Variants in CPE observed in about 807,000 individuals in gnomAD.
The protein encoded by CPE is carbocypeptidase E.
Under a neutral mutation model 53.5 loss-of-function variants are expected in CPE, and 17 were observed. That is an observed-to-expected ratio of 0.32 (90% CI 0.22 to 0.48). The LOEUF is 0.48. Among genes scored for constraint, CPE ranks in the 20% least tolerant of loss-of-function variants. The probability of loss-of-function intolerance (pLI) is 0.99; values close to 1 mark genes in which losing one functional copy is unlikely to be tolerated. For missense variants in CPE, 524 were observed against 614.7 expected (o/e 0.85, Z 1.56); for synonymous variants, 226 against 228.8 (o/e 0.99, Z 0.11).
At chr4:165,390,463 C>T (rs1057129212) in intron 1 of CPE, among the ~76,000 whole-genome samples, 1 of 152,172 alleles carries the variant, frequency 6.6e-6, no homozygotes, top group African/African-American at 2.4e-5. Context: ...GTATGAGCTG[C>T]AGAAAACTTT....
chr4:165,406,880 G>C (rs924590780), intron 1 of CPE, among the ~76,000 whole-genome samples: 2 of 152,136 alleles, frequency 1.3e-5, no homozygotes, highest in Admixed American at 1.3e-4. Flanking sequence ...GGTCTTTTGT[G>C]GCCGACTCCT....
At chr4:165,408,774 G>A (rs1276573083) in intron 1 of CPE, among the ~76,000 whole-genome samples, 1 of 152,208 alleles carries the variant, frequency 6.6e-6, no homozygotes, top group Non-Finnish European at 1.5e-5. Flanking sequence ...CACTTTGAGA[G>A]CCATTGTAAT....
At chr4:165,491,591 G>T (rs1732606468) in intron 6 of CPE, among the ~76,000 whole-genome samples, 1 of 152,110 alleles carries the variant, frequency 6.6e-6, no homozygotes, top group African/African-American at 2.4e-5. Context: ...ATGGAGAAAA[G>T]TTAGAATTGA....
intron 1 of CPE, among the ~76,000 whole-genome samples, chr4:165,451,032 T>G (rs1481461145): frequency 6.6e-6 from 1 of 152,218 alleles, no homozygotes; most frequent in Admixed American, 6.5e-5. Flanking sequence ...CATGGTCCAC[T>G]GACAAGCCGC....
At chr4:165,441,398 C>T (rs1184738869) in intron 1 of CPE, among the ~76,000 whole-genome samples, 1 of 152,130 alleles carries the variant, frequency 6.6e-6, no homozygotes, top group Non-Finnish European at 1.5e-5. Context: ...CCAGTGACTC[C>T]ATTTGCTACA....
intron 7 of CPE, among the ~76,000 whole-genome samples, chr4:165,494,788 G>C (rs1026691200): frequency 2.6e-5 from 4 of 152,214 alleles, no homozygotes; most frequent in African/African-American, 9.6e-5. Context: ...ACGGTGATGG[G>C]GGCTTAATTT....
intron 6 of CPE, among the ~76,000 whole-genome samples, chr4:165,492,251 A>G (rs1732620050): frequency 6.6e-6 from 1 of 152,214 alleles, no homozygotes. Context: ...TTTTCAGCCA[A>G]AATAATGTTA....
In CPE at chr4:165,497,512, G is replaced by A. The variant is rs539600557; in HGVS notation, c.1333G>A (p.Val445Ile). 12 of 1,531,008 alleles carry A rather than the reference G, an allele frequency of 7.8e-6. No homozygotes were observed. Among genetic ancestry groups the A allele is most frequent in the Non-Finnish European group, 1.1e-5 (12 of 1,138,790 alleles). The allele number at this position is 1,531,008 out of a possible 1,614,324, so 94.8% of individuals were successfully genotyped here. A position where few individuals can be genotyped will look rare whatever the true frequency, so the allele number is the denominator to read the frequency against. ...ATATGTTCTTGATTTTCTCTTTTAG[G>A]TTGATTTTGAACTGGAGTCATTTTC... ...VAVPYSPAAGVDFELESFSER... is the reference protein window; with the variant it reads ...VAVPYSPAAGIDFELESFSER... Residue 445 changes from valine (V) to isoleucine (I), a missense_variant and splice_region_variant, in exon 9 of 9, where the codon GTT becomes ATT. By Grantham distance (29) the Val-to-Ile change is conservative. Transcript: ENST00000402744.
chr4:165,434,871 C>A (rs1731469818), intron 1 of CPE, among the ~76,000 whole-genome samples: 1 of 152,102 alleles, frequency 6.6e-6, no homozygotes, highest in Non-Finnish European at 1.5e-5. Flanking sequence ...GGGGGCAGAT[C>A]CCTGGTGAAT....
At chr4:165,382,035 C>A (rs1256180810) in intron 1 of CPE, among the ~76,000 whole-genome samples, 1 of 152,150 alleles carries the variant, frequency 6.6e-6, no homozygotes, top group Non-Finnish European at 1.5e-5. Flanking sequence ...GAATTGGGAG[C>A]TTGAAGAACA....
intron 1 of CPE, among the ~76,000 whole-genome samples, chr4:165,463,326 A>G (rs1732040741): frequency 6.6e-6 from 1 of 152,232 alleles, no homozygotes; most frequent in Non-Finnish European, 1.5e-5. Context: ...AAAGAAAATT[A>G]TAGGAAACAT....
intron 1 of CPE, among the ~76,000 whole-genome samples, chr4:165,421,845 T>C (rs1207806528): frequency 1.3e-5 from 2 of 152,240 alleles, no homozygotes; most frequent in Non-Finnish European, 2.9e-5. Flanking sequence ...GCATTCCATT[T>C]TAATGCCTTT....
intron 1 of CPE, among the ~76,000 whole-genome samples, chr4:165,420,216 A>G (rs1191931604): frequency 1.3e-5 from 2 of 152,130 alleles, no homozygotes; most frequent in African/African-American, 2.4e-5. Context: ...CTTAATAAAC[A>G]TTCTCTTTTT....
At chr4:165,495,189 C>A (rs1560899091) in intron 7 of CPE, among the ~76,000 whole-genome samples, 1 of 152,186 alleles carries the variant, frequency 6.6e-6, no homozygotes, top group Non-Finnish European at 1.5e-5. Context: ...ATTCTCTGAC[C>A]AGCAGGTCTT....
At chr4:165,473,118 CTT>C in intron 3 of CPE, among the ~76,000 whole-genome samples, 1 of 152,214 alleles carries the variant, frequency 6.6e-6, no homozygotes, top group East Asian at 1.9e-4. Context: ...AGCCTAATAA[CTT>C]TTAAAACTGT....
chr4:165,381,545 C>A, intron 1 of CPE: 3 of 264,614 alleles, frequency 1.1e-5, no homozygotes, highest in East Asian at 1.0e-4. Flanking sequence ...CTTTACAATT[C>A]CTTTTTAAAT....
chr4:165,382,142 T>C (rs1188951831), intron 1 of CPE, among the ~76,000 whole-genome samples: 2 of 144,172 alleles, frequency 1.4e-5, no homozygotes, highest in African/African-American at 5.3e-5. Flanking sequence ...ATTGAAGAAT[T>C]GATGACAAAA....
At chr4:165,413,063 C>T (rs1274263118) in intron 1 of CPE, among the ~76,000 whole-genome samples, 1 of 152,198 alleles carries the variant, frequency 6.6e-6, no homozygotes, top group Admixed American at 6.5e-5. Flanking sequence ...TGAGCCCTAG[C>T]TCTACAGGGC....
At chr4:165,423,009 G>C (rs1181139532) in intron 1 of CPE, among the ~76,000 whole-genome samples, 2 of 149,136 alleles carry the variant, frequency 1.3e-5, no homozygotes, top group East Asian at 4.0e-4. Flanking sequence ...ATATACACTG[G>C]GTTGGTCCAG....
Sources: gnomAD v4.1 joint callset for allele counts (sites outside exome capture counted in the v4.1 genomes callset) on GRCh38, gnomAD v4.1.1 for gene constraint, MANE v1.5 for transcripts, NCBI Gene and HGNC (gene_info 2026-07-23, HGNC 2026-07-21) for gene names.